Variants in KDM2A observed in about 807,000 individuals in gnomAD.
KDM2A encodes lysine-specific demethylase 2A.
Under a neutral mutation model 137.3 loss-of-function variants are expected in KDM2A, and 3 were observed. The observed-to-expected ratio is 0.02, with a 90% CI of 0.01 to 0.06. The LOEUF (loss-of-function observed/expected upper bound fraction) is 0.06. KDM2A is among the 10% of genes least tolerant of loss of function. KDM2A has a pLI of 1.00. For synonymous variants in KDM2A, 512 were observed against 541.5 expected (o/e 0.95, Z 0.76); for missense variants, 738 against 1,510.6 (o/e 0.49, Z 8.48).
intron 2 of KDM2A, chr11:67,132,140 A>G (rs150998939): frequency 6.6e-6 from 1 of 152,290 alleles, no homozygotes; most frequent in Non-Finnish European, 1.5e-5. Context: ...GCTTTATACT[A>G]CTACTATAAG....
In KDM2A at chr11:67,121,243, C is replaced by T. The variant is rs1855591681; in HGVS notation, c.-74C>T. On this transcript the variant is annotated 5_prime_UTR_variant, in exon 2 of 21. Transcript: ENST00000529006. ...TATCATTATTCTTTAGTGTTGCAAT[C>T]TGGTTCCTAAGGAGGAAGAGGAAGG... 2 of 1,099,108 alleles carry T rather than the reference C, an allele frequency of 1.8e-6. No homozygotes were observed. The highest frequency in any genetic ancestry group is 2.4e-5 in the East Asian group (1 of 42,440). 68.1% of individuals were successfully genotyped at this position (1,099,108 alleles called of 1,614,324 possible). A position where few individuals can be genotyped will look rare whatever the true frequency, so the allele number is the denominator to read the frequency against.
At chr11:67,189,462 G>A (rs961321415) in intron 5 of KDM2A, among the ~76,000 whole-genome samples, 1 of 152,210 alleles carries the variant, frequency 6.6e-6, no homozygotes, top group African/African-American at 2.4e-5. Context: ...AGTAGCATGT[G>A]CCTATAGTTC....
chr11:67,248,222 T>C (rs1170870403), intron 15 of KDM2A, 59 bp from the exon 16 acceptor site: 1 of 1,210,656 alleles, frequency 8.3e-7, no homozygotes, highest in South Asian at 1.3e-5. Context: ...AACTGTGTTA[T>C]TGTTGGATAA....
At chr11:67,209,055 C>A (rs549791373) in intron 6 of KDM2A, among the ~76,000 whole-genome samples, 100 of 152,030 alleles carry the variant, frequency 6.6e-4, no homozygotes, top group African/African-American at 2.4e-3. Flanking sequence ...CCTGCCTCAG[C>A]CTCCTGAGTA....
chr11:67,127,809 G>A (rs866075502), intron 2 of KDM2A, among the ~76,000 whole-genome samples: 1 of 152,030 alleles, frequency 6.6e-6, no homozygotes, highest in Non-Finnish European at 1.5e-5. Flanking sequence ...CTGGGTTCAA[G>A]CGATTCTCCT....
At chr11:67,192,972 T>C (rs1201627408) in intron 5 of KDM2A, among the ~76,000 whole-genome samples, 9 of 152,126 alleles carry the variant, frequency 5.9e-5, no homozygotes, top group Admixed American at 5.9e-4. Context: ...TTATGAGATA[T>C]TCATTTATTT....
In KDM2A at chr11:67,168,950, AG is replaced by A. The variant is rs1359094872; in HGVS notation, c.43-11128del. Among the ~76,000 whole-genome samples the A allele has an allele frequency of 8.3e-5, 9 of 108,126 alleles. No homozygotes were observed. The East Asian group carries it at 2.1e-3, about 25-fold the overall frequency. 70.9% of individuals were successfully genotyped at this position (108,126 alleles called of 152,430 possible). The stretch of plus-strand genomic sequence containing the variant: ...GCAAAGATTCAGATTTAATCCATGT[AG>A]TTTTTTTTTTTTTTTTTTTTTTGAG... On this transcript the variant is annotated intron_variant, in intron 2 of 20. Coordinates refer to ENST00000529006, the MANE Select transcript of KDM2A (RefSeq NM_012308.3).
chr11:67,166,677 C>T (rs1034309170), intron 2 of KDM2A, among the ~76,000 whole-genome samples: 1 of 151,394 alleles, frequency 6.6e-6, no homozygotes, highest in Non-Finnish European at 1.5e-5. Flanking sequence ...ATGCAGTATA[C>T]AGATCAGGTA....
At chr11:67,142,348 T>G (rs1198966090) in intron 2 of KDM2A, among the ~76,000 whole-genome samples, 1 of 151,064 alleles carries the variant, frequency 6.6e-6, no homozygotes, top group Non-Finnish European at 1.5e-5. Flanking sequence ...ATATCTAGTT[T>G]TTTTAGGGCA....
intron 12 of KDM2A, among the ~76,000 whole-genome samples, chr11:67,233,971 A>C (rs545353639): frequency 2.1e-4 from 32 of 152,316 alleles, no homozygotes; most frequent in African/African-American, 7.5e-4. Flanking sequence ...ATGACTACAC[A>C]GGCCGACAGT....
chr11:67,236,754 T>C (rs187711250), intron 12 of KDM2A, among the ~76,000 whole-genome samples: 2 of 152,222 alleles, frequency 1.3e-5, no homozygotes, highest in Non-Finnish European at 2.9e-5. Flanking sequence ...TAATAAGCAG[T>C]GCATTATTAC....
intron 2 of KDM2A, among the ~76,000 whole-genome samples, chr11:67,141,430 G>A (rs891745245): frequency 1.3e-5 from 2 of 151,716 alleles, no homozygotes; most frequent in Admixed American, 6.6e-5. Flanking sequence ...ACTTTGGGAG[G>A]CCAAGGCGGG....
At chr11:67,190,675 C>T (rs1289409218) in intron 5 of KDM2A, among the ~76,000 whole-genome samples, 1 of 151,924 alleles carries the variant, frequency 6.6e-6, no homozygotes, top group Non-Finnish European at 1.5e-5. Flanking sequence ...TCATGAGAAT[C>T]GCTTGAACTG....
intron 5 of KDM2A, among the ~76,000 whole-genome samples, chr11:67,192,359 T>C (rs1857375818): frequency 6.6e-6 from 1 of 151,464 alleles, no homozygotes; most frequent in Admixed American, 6.6e-5. Flanking sequence ...TTAACTACCA[T>C]ATAGAATTCC....
chr11:67,184,587 A>G (rs1231041657), intron 5 of KDM2A, among the ~76,000 whole-genome samples: 1 of 152,212 alleles, frequency 6.6e-6, no homozygotes, highest in Non-Finnish European at 1.5e-5. Flanking sequence ...AGCTTGTGCC[A>G]CTGCACTCCA....
Position 67,192,888 on chromosome 11 carries a change from A to G in KDM2A, c.307+10996A>G, listed in dbSNP as rs572926667. Among the ~76,000 whole-genome samples the G allele has an allele frequency of 1.1e-3, 170 of 152,280 alleles. 1 individual carries two copies. The highest frequency in any genetic ancestry group is 2.1e-3 in the Non-Finnish European group (141 of 68,034). ...CCTTGTCAAATTCCTCTCCAAAGTGATTGTACCAGTTTACACTTTGTTGAG... is the reference window on the plus strand; with the variant it reads ...CCTTGTCAAATTCCTCTCCAAAGTGGTTGTACCAGTTTACACTTTGTTGAG... On this transcript the variant is annotated intron_variant, in intron 5 of 20. Coordinates refer to ENST00000529006, the MANE Select transcript of KDM2A (RefSeq NM_012308.3).
At chr11:67,195,967 A>C in intron 5 of KDM2A, 3 of 444,164 alleles carry the variant, frequency 6.8e-6, no homozygotes, top group Non-Finnish European at 1.4e-5. Flanking sequence ...TCTTCTATCA[A>C]CTCAAGATGT....
intron 10 of KDM2A, among the ~76,000 whole-genome samples, chr11:67,221,249 C>G (rs377545137): frequency 1.3e-5 from 2 of 152,168 alleles, no homozygotes; most frequent in South Asian, 2.1e-4. Context: ...TTGTAAGTTA[C>G]TCTCAAGTAG....
At chr11:67,132,158 C>T (rs1377533260) in intron 2 of KDM2A, 1 of 152,182 alleles carries the variant, frequency 6.6e-6, no homozygotes, top group Non-Finnish European at 1.5e-5. Context: ...AAGGCCTATT[C>T]TGTGGATCTC....
Sources: gnomAD v4.1 joint callset for allele counts (sites outside exome capture counted in the v4.1 genomes callset) on GRCh38, gnomAD v4.1.1 for gene constraint, MANE v1.5 for transcripts, NCBI Gene and HGNC (gene_info 2026-07-23, HGNC 2026-07-21) for gene names.